Variants in PNO1 observed in about 807,000 individuals in gnomAD.
PNO1 encodes RNA-binding protein PNO1.
Under a neutral mutation model 28.4 loss-of-function variants are expected in PNO1, and 16 were observed. The ratio of observed to expected loss-of-function variants is 0.56; its 90% CI spans 0.38 to 0.85. The LOEUF is 0.85. Ranked by LOEUF, PNO1 falls within the 40% of genes least tolerant of loss-of-function variation. PNO1 has a pLI of 0.00. For missense variants in PNO1, 304 were observed against 312.2 expected (o/e 0.97, Z 0.20); for synonymous variants, 115 against 110.8 (o/e 1.04, Z -0.24).
intron 1 of PNO1, 67 bp from the exon 2 acceptor site, chr2:68,158,313 G>C (rs1673726265): frequency 6.7e-7 from 1 of 1,484,230 alleles, no homozygotes; most frequent in South Asian, 1.3e-5. Context: ...TTGTGGATCA[G>C]ATGTCATTTT....
At chr2:68,174,440 A>T (rs535536124) in intron 6 of PNO1, among the ~76,000 whole-genome samples, 14 of 152,276 alleles carry the variant, frequency 9.2e-5, no homozygotes, top group Admixed American at 4.6e-4. Flanking sequence ...TCAGAAAAAA[A>T]ATATATAAAA....
intron 2 of PNO1, among the ~76,000 whole-genome samples, chr2:68,160,309 G>A (rs771435237): frequency 2.6e-5 from 4 of 152,142 alleles, no homozygotes; most frequent in Non-Finnish European, 5.9e-5. Context: ...TTTCAAGTAG[G>A]AGACTCAGTC....
intron 5 of PNO1, among the ~76,000 whole-genome samples, chr2:68,164,266 G>A (rs1322716650): frequency 6.6e-6 from 1 of 152,190 alleles, no homozygotes; most frequent in Non-Finnish European, 1.5e-5. Flanking sequence ...GAGGCAGGTG[G>A]ATGGCGTGAT....
At chr2:68,165,257 G>A (rs1321868944) in intron 5 of PNO1, among the ~76,000 whole-genome samples, 2 of 150,460 alleles carry the variant, frequency 1.3e-5, no homozygotes, top group African/African-American at 4.9e-5. Flanking sequence ...CCAGCTACTT[G>A]GGAGGCTGAG....
At position 68,162,336 on chromosome 2, in the gene PNO1, G is replaced by A. The variant is rs776193420; in HGVS notation, c.502+11G>A. The A allele has an allele frequency of 1.3e-6, 2 of 1,595,638 alleles. No homozygotes were observed. Among genetic ancestry groups the A allele is most frequent in the Admixed American group, 1.7e-5 (1 of 58,634 alleles). On this transcript the variant is annotated intron_variant, in intron 4 of 6. Transcript: ENST00000263657. Reference sequence around the variant, plus strand: ...TTGAAATTACAGATGGTGAGTGTGTGTTGGTCTGCGCTCTTGTGTCGCTGA... The same window carrying A: ...TTGAAATTACAGATGGTGAGTGTGTATTGGTCTGCGCTCTTGTGTCGCTGA...
chr2:68,160,386 G>A (rs1215589813), intron 2 of PNO1, among the ~76,000 whole-genome samples: 1 of 152,174 alleles, frequency 6.6e-6, no homozygotes, highest in African/African-American at 2.4e-5. Context: ...TTTGGCCTTT[G>A]AAAGAGGTCC....
intron 2 of PNO1, among the ~76,000 whole-genome samples, chr2:68,159,603 C>T (rs1050929544): frequency 2.0e-5 from 3 of 152,096 alleles, no homozygotes; most frequent in African/African-American, 7.2e-5. Flanking sequence ...ATACCAGAAT[C>T]GATAACCGAA....
chr2:68,171,583 ATGTT>A (rs1283979296), intron 5 of PNO1, among the ~76,000 whole-genome samples: 1 of 152,108 alleles, frequency 6.6e-6, no homozygotes, highest in Non-Finnish European at 1.5e-5. Flanking sequence ...GCATTTGTAA[ATGTT>A]TGTTTTGTTC....
intron 5 of PNO1, among the ~76,000 whole-genome samples, chr2:68,163,681 A>G (rs1457020250): frequency 6.6e-5 from 10 of 152,228 alleles, no homozygotes; most frequent in Non-Finnish European, 2.9e-5. Flanking sequence ...TACTTTATGT[A>G]TATACATATA....
chr2:68,168,542 A>C (rs1449144280), intron 5 of PNO1, among the ~76,000 whole-genome samples: 1 of 152,208 alleles, frequency 6.6e-6, no homozygotes, highest in Admixed American at 6.5e-5. Context: ...TCACAAGGCC[A>C]GTGCTTGTTA....
At chr2:68,168,395 A>G (rs906142348) in intron 5 of PNO1, among the ~76,000 whole-genome samples, 1 of 152,204 alleles carries the variant, frequency 6.6e-6, no homozygotes, top group African/African-American at 2.4e-5. Flanking sequence ...ATCTCTTATC[A>G]GGAGATGTTA....
chr2:68,166,692 C>T (rs1442169393), intron 5 of PNO1, among the ~76,000 whole-genome samples: 1 of 152,140 alleles, frequency 6.6e-6, no homozygotes, highest in Non-Finnish European at 1.5e-5. Context: ...GTTTCAGTGC[C>T]CACGTCATAA....
chr2:68,162,010 A>T (rs1383878183), intron 3 of PNO1, among the ~76,000 whole-genome samples: 1 of 152,068 alleles, frequency 6.6e-6, no homozygotes, highest in African/African-American at 2.4e-5. Flanking sequence ...GTGGTAGTGC[A>T]TGCCTGCAGT....
At chr2:68,173,163 G>A (rs956439492) in intron 5 of PNO1, 184 bp from the exon 6 acceptor site, 33 of 408,366 alleles carry the variant, frequency 8.1e-5, no homozygotes, top group African/African-American at 6.1e-4. Context: ...CTACAGGCAC[G>A]TGCTACTACA....
At position 68,173,377 on chromosome 2, in the gene PNO1, T is replaced by C. The variant is rs761867094; in HGVS notation, c.651T>C (p.Asn217=). The C allele has an allele frequency of 1.9e-6, 3 of 1,608,310 alleles. No homozygotes were observed. The highest frequency in any genetic ancestry group is 3.3e-5 in the Admixed American group (2 of 59,930). Residue 217 remains asparagine, a synonymous_variant, in exon 6 of 7, where the codon AAT becomes AAC. Transcript: ENST00000263657. ...VKVHILGSFQ[N]IKMARTAICN... is the part of the protein sequence containing the mutation. ...TTCACATCCTTGGCTCCTTCCAAAATATCAAGATGGCAAGAACTGCCATTT... is the reference window on the plus strand; with the variant it reads ...TTCACATCCTTGGCTCCTTCCAAAACATCAAGATGGCAAGAACTGCCATTT...
intron 5 of PNO1, among the ~76,000 whole-genome samples, chr2:68,168,888 T>TCAA (rs1674056697): frequency 6.6e-6 from 1 of 151,318 alleles, no homozygotes; most frequent in African/African-American, 2.4e-5. Context: ...CAGGCCTCAG[T>TCAA]CAACAGTACC....
At position 68,174,718 on chromosome 2, in the gene PNO1, T is replaced by C. The variant is rs375575089; in HGVS notation, c.692-17T>C. The C allele has an allele frequency of 3.7e-4, 585 of 1,584,800 alleles. No homozygotes were observed. Among genetic ancestry groups the C allele is most frequent in the Non-Finnish European group, 4.8e-4 (557 of 1,154,606 alleles). ...TGTGAGTTTATTTGTGTATATACTT[T>C]TTTTTCCCCTTTGCAGGAAATCCTC... On this transcript the variant is annotated splice_polypyrimidine_tract_variant and intron_variant, in intron 6 of 6. Transcript: ENST00000263657.
chr2:68,163,530 CAAAT>C (rs891540268), intron 5 of PNO1, among the ~76,000 whole-genome samples: 31 of 147,524 alleles, frequency 2.1e-4, no homozygotes, highest in Admixed American at 3.4e-4. Context: ...GACTCTGTCT[CAAAT>C]AAATAAATAC....
chr2:68,162,444 CTT>C (rs1023774014), intron 4 of PNO1, 100 bp from the exon 5 acceptor site: 1 of 1,028,296 alleles, frequency 9.7e-7, no homozygotes, highest in Non-Finnish European at 1.5e-6. Context: ...TATATATACA[CTT>C]TGTGTCCTTT....
Sources: allele counts gnomAD v4.1 joint callset (sites outside exome capture counted in the v4.1 genomes callset), GRCh38; gene constraint gnomAD v4.1.1; transcripts MANE v1.5; gene names NCBI Gene and HGNC (gene_info 2026-07-23, HGNC 2026-07-21).